SNX29: variants seen among roughly 807,000 people sequenced by gnomAD.
The protein encoded by SNX29 is sorting nexin 29.
In SNX29, 78 loss-of-function variants were observed where a neutral mutation model predicts 102.1. The observed-to-expected ratio is 0.76, with a 90% CI of 0.64 to 0.92. The LOEUF (loss-of-function observed/expected upper bound fraction) is 0.92. SNX29 is among the 40% of genes least tolerant of loss of function. SNX29 has a pLI of 0.00. For synonymous variants in SNX29, 580 were observed against 414.5 expected, an observed-to-expected ratio of 1.40 and a Z score of -4.85; for missense variants, 1,280 against 1,061.7, an observed-to-expected ratio of 1.21 and a Z score of -2.86.
chr16:12,005,369 A>G (rs1048953865), intron 3 of SNX29, among the ~76,000 whole-genome samples: 4 of 151,982 alleles, frequency 2.6e-5, no homozygotes, highest in African/African-American at 9.7e-5. Flanking sequence ...GGATGTGTAT[A>G]TGTGCATGAG....
intron 13 of SNX29, among the ~76,000 whole-genome samples, chr16:12,171,332 A>G (rs2076145170): frequency 6.6e-6 from 1 of 150,424 alleles, no homozygotes; most frequent in Non-Finnish European, 1.5e-5. Context: ...TTTTTTTTTG[A>G]AGGGAGGGAG....
intron 14 of SNX29, among the ~76,000 whole-genome samples, chr16:12,238,500 T>G (rs1048094753): frequency 4.6e-5 from 7 of 152,150 alleles, no homozygotes; most frequent in Non-Finnish European, 5.9e-5. Flanking sequence ...AATTTTTGTA[T>G]TTTTGTAGAG....
Position 12,549,074 on chromosome 16 carries a change from T to G in SNX29, c.2319-19432T>G, listed in dbSNP as rs533246583. Among the ~76,000 whole-genome samples, 3 of 152,354 alleles carry G rather than the reference T, an allele frequency of 2.0e-5. No individual in the cohort carries two copies. The South Asian group carries it at 6.2e-4, about 32-fold the overall frequency. ...TCTTGCAGCTGGGCAGGCATCATAGTGTTCGGCTCCCTGTTACAGTGTCAT... is the reference window on the plus strand; with the variant it reads ...TCTTGCAGCTGGGCAGGCATCATAGGGTTCGGCTCCCTGTTACAGTGTCAT... On this transcript the variant is annotated intron_variant, in intron 20 of 20. Transcript: ENST00000566228.
intron 15 of SNX29, among the ~76,000 whole-genome samples, chr16:12,350,867 T>C (rs745985927): frequency 1.3e-5 from 2 of 152,164 alleles, no homozygotes; most frequent in Non-Finnish European, 2.9e-5. Context: ...ATCCGCATTT[T>C]TCAGAAGCCC....
intron 2 of SNX29, among the ~76,000 whole-genome samples, chr16:12,000,678 C>G (rs2056256371): frequency 6.6e-6 from 1 of 152,040 alleles, no homozygotes; most frequent in Admixed American, 6.6e-5. Context: ...TGCATGCCAC[C>G]ACATGTGCCG....
intron 18 of SNX29, among the ~76,000 whole-genome samples, chr16:12,442,221 G>T (rs1444449569): frequency 6.6e-6 from 1 of 152,154 alleles, no homozygotes; most frequent in African/African-American, 2.4e-5. Flanking sequence ...TCAAAAACAA[G>T]TTGACTATAG....
chr16:12,278,031 A>G lies in SNX29; in HGVS notation c.1777A>G (p.Ile593Val), dbSNP rs747276283. The G allele has an allele frequency of 6.9e-6, 11 of 1,583,332 alleles. No individual in the cohort carries two copies. The East Asian group carries it at 2.5e-4, about 36-fold the overall frequency. The change falls in exon 15 of 21, where the codon ATC becomes GTC. Residue 593 changes from isoleucine (I) to valine (V), a missense_variant. Transcript: ENST00000566228. ...CGCAAGCTCCTACGAAAGAAAGCTC[A>G]TCGAGGTAAGGCCGGTGGAGTCTGT... The part of the protein sequence containing the change: ...ELASSYERKL[I>V]EVAEMHGELI...
At chr16:12,257,276 G>A (rs147079625) in intron 14 of SNX29, among the ~76,000 whole-genome samples, 5 of 152,114 alleles carry the variant, frequency 3.3e-5, no homozygotes, top group Non-Finnish European at 7.4e-5. Context: ...CTCCTCTGTG[G>A]TTGTCTTCTG....
At chr16:12,560,028 A>ATT (rs1225319380) in intron 20 of SNX29, among the ~76,000 whole-genome samples, 6 of 152,170 alleles carry the variant, frequency 3.9e-5, no homozygotes, top group African/African-American at 1.4e-4. Context: ...AAGACTTAGT[A>ATT]TGACAAATAC....
At chr16:12,501,175 T>A (rs140419110) in intron 19 of SNX29, among the ~76,000 whole-genome samples, 2 of 152,102 alleles carry the variant, frequency 1.3e-5, no homozygotes, top group Non-Finnish European at 2.9e-5. Context: ...ACAAGAGGAT[T>A]GGTAGAGGCT....
intron 20 of SNX29, among the ~76,000 whole-genome samples, chr16:12,536,561 C>T (rs1432562522): frequency 6.6e-6 from 1 of 152,152 alleles, no homozygotes; most frequent in Non-Finnish European, 1.5e-5. Flanking sequence ...GCCCCTACCT[C>T]AGAAAGTTGC....
At chr16:12,504,955 T>G (rs2089304614) in intron 19 of SNX29, among the ~76,000 whole-genome samples, 1 of 152,150 alleles carries the variant, frequency 6.6e-6, no homozygotes, top group Non-Finnish European at 1.5e-5. Flanking sequence ...GGTAGACATT[T>G]GAGGTGTTTC....
intron 4 of SNX29, among the ~76,000 whole-genome samples, chr16:12,030,128 TTTC>T (rs2057299578): frequency 1.3e-5 from 2 of 152,324 alleles, no homozygotes; most frequent in African/African-American, 2.4e-5. Context: ...CTTGGCACAC[TTTC>T]TTCTTCTTTT....
rs1028905432 is a variant in SNX29 at position 12,568,929 on chromosome 16, G to C, written c.*300G>C. 2.4e-6 allele frequency: 1 copy of C among 415,826 alleles called. No homozygotes were observed. The highest frequency in any genetic ancestry group is 4.3e-6 in the Non-Finnish European group (1 of 233,628). 25.8% of individuals were successfully genotyped at this position (415,826 alleles called of 1,614,324 possible). ...TTCCTCCACCTTTCTGTAGTTCAGGGCTGGCAGGAGGGTGGGCACCAGGTC... is the reference window on the plus strand; with the variant it reads ...TTCCTCCACCTTTCTGTAGTTCAGGCCTGGCAGGAGGGTGGGCACCAGGTC... On this transcript the variant is annotated 3_prime_UTR_variant, in exon 21 of 21. Transcript: ENST00000566228.
chr16:12,191,196 T>C (rs2076633582), intron 13 of SNX29, among the ~76,000 whole-genome samples: 2 of 152,188 alleles, frequency 1.3e-5, no homozygotes, highest in Admixed American at 1.3e-4. Flanking sequence ...AATCTAAGGC[T>C]GCTGCTGATC....
At chr16:12,450,251 C>T (rs1475152164) in intron 18 of SNX29, among the ~76,000 whole-genome samples, 1 of 152,166 alleles carries the variant, frequency 6.6e-6, no homozygotes, top group South Asian at 2.1e-4. Context: ...AATACAATTC[C>T]CATGATATAT....
At chr16:12,161,206 T>C (rs1031525137) in intron 13 of SNX29, among the ~76,000 whole-genome samples, 3 of 152,258 alleles carry the variant, frequency 2.0e-5, no homozygotes, top group Non-Finnish European at 2.9e-5. Context: ...ACCACCTTTC[T>C]GACCTTTGGA....
At chr16:12,536,734 T>G (rs2077095028) in intron 20 of SNX29, among the ~76,000 whole-genome samples, 1 of 152,070 alleles carries the variant, frequency 6.6e-6, no homozygotes, top group Non-Finnish European at 1.5e-5. Context: ...TCTCAACACT[T>G]TGGGAGGTCA....
chr16:11,982,641 G>C (rs761338791), intron 1 of SNX29, among the ~76,000 whole-genome samples: 1 of 151,976 alleles, frequency 6.6e-6, no homozygotes, highest in African/African-American at 2.4e-5. Context: ...ATGTTAGCCA[G>C]GACGGTCTCG....
Sources: allele counts gnomAD v4.1 joint callset (sites outside exome capture counted in the v4.1 genomes callset), GRCh38; gene constraint gnomAD v4.1.1; transcripts MANE v1.5; gene names NCBI Gene and HGNC (gene_info 2026-07-23, HGNC 2026-07-21).